KIFAP3: variants seen among roughly 807,000 people sequenced by gnomAD.
KIFAP3 encodes the protein kinesin-associated protein 3.
A neutral mutation model predicts 106.5 loss-of-function variants in KIFAP3; 68 were observed. The ratio of observed to expected loss-of-function variants is 0.64; its 90% CI spans 0.53 to 0.78. The LOEUF (loss-of-function observed/expected upper bound fraction) is 0.78, where lower values mean the gene tolerates loss of function less well. Ranked by LOEUF, KIFAP3 falls within the 30% of genes least tolerant of loss-of-function variation. The pLI is 0.00. For missense variants in KIFAP3, 780 were observed against 941.8 expected (o/e 0.83, Z 2.25); for synonymous variants, 320 against 311.5 (o/e 1.03, Z -0.29).
At chr1:170,002,544 T>C (rs974272880) in intron 10 of KIFAP3, among the ~76,000 whole-genome samples, 5 of 152,124 alleles carry the variant, frequency 3.3e-5, no homozygotes, top group African/African-American at 9.7e-5. Flanking sequence ...CTGGCACAGA[T>C]TTAAAACTCT....
At chr1:169,939,301 G>A (rs1663977482) in intron 19 of KIFAP3, among the ~76,000 whole-genome samples, 1 of 152,150 alleles carries the variant, frequency 6.6e-6, no homozygotes, top group Non-Finnish European at 1.5e-5. Flanking sequence ...ATGGTTTGCA[G>A]TGGAGAGAGA....
intron 10 of KIFAP3, among the ~76,000 whole-genome samples, chr1:170,011,591 T>C (rs6686705): frequency 4.6e-5 from 7 of 151,956 alleles, no homozygotes; most frequent in African/African-American, 1.7e-4. Flanking sequence ...AGGGTTGGGC[T>C]ACACTGTAAA....
At chr1:170,067,889 A>G (rs2102167174) in intron 1 of KIFAP3, 1 of 152,360 alleles carries the variant, frequency 6.6e-6, no homozygotes, top group South Asian at 2.1e-4. Context: ...GCATATAAAG[A>G]GAAATCTAGA....
At chr1:170,028,133 T>C (rs908151050) in intron 8 of KIFAP3, among the ~76,000 whole-genome samples, 6 of 152,150 alleles carry the variant, frequency 3.9e-5, no homozygotes, top group South Asian at 2.1e-4. Flanking sequence ...CTGGTAAATA[T>C]GTCCTACAAG....
In KIFAP3 at chr1:169,979,874, T is replaced by C. The variant is rs1571598385; in HGVS notation, c.1799-1691A>G. 3.9e-5 allele frequency among the ~76,000 whole-genome samples: 6 copies of C among 152,276 alleles called. No homozygotes were observed. In the East Asian group the frequency reaches 1.2e-3, roughly 29 times the overall value. ...GTCCTCCCCCCCACAAAAACCTAAC[T>C]CTACTATCCATCAGTAGTAGAAAGG... On this transcript the variant is annotated intron_variant, in intron 15 of 19. Transcript: ENST00000361580.
chr1:170,040,859 G>A (rs1464896776), intron 3 of KIFAP3, among the ~76,000 whole-genome samples: 2 of 149,010 alleles, frequency 1.3e-5, no homozygotes, highest in African/African-American at 2.5e-5. Flanking sequence ...ATGGAGTCTC[G>A]CTCTGTGCCA....
intron 17 of KIFAP3, among the ~76,000 whole-genome samples, chr1:169,966,921 T>C (rs573498640): frequency 6.6e-6 from 1 of 151,966 alleles, no homozygotes; most frequent in Admixed American, 6.6e-5. Flanking sequence ...TACTTCTCCT[T>C]TTCCTTAGTA....
Position 169,924,961 on chromosome 1 carries a change from G to A in KIFAP3, c.2274-3180C>T, listed in dbSNP as rs183287066. Among the ~76,000 whole-genome samples, 10 of 152,308 alleles carry A rather than the reference G, an allele frequency of 6.6e-5. No homozygotes were observed. The East Asian group carries it at 1.3e-3, about 21-fold the overall frequency. ...CTCACTAGGGGCCCTGAGAAGCAAG[G>A]AAAAGTAAGCTGTGACATGCCACAT... On this transcript the variant is annotated intron_variant, in intron 19 of 19. Transcript: ENST00000361580.
intron 10 of KIFAP3, among the ~76,000 whole-genome samples, chr1:170,009,245 C>T (rs987968603): frequency 6.6e-6 from 1 of 151,952 alleles, no homozygotes; most frequent in Admixed American, 6.6e-5. Context: ...CCAGAACTTA[C>T]ACTATAATTA....
chr1:170,055,260 T>C (rs777420288), intron 2 of KIFAP3, 45 bp downstream of exon 2: 1 of 1,529,218 alleles, frequency 6.5e-7, no homozygotes, highest in South Asian at 1.2e-5. Flanking sequence ...ATAAAGTTTA[T>C]ATAATGTTCA....
intron 16 of KIFAP3, among the ~76,000 whole-genome samples, chr1:169,975,357 A>G (rs1022074535): frequency 6.7e-6 from 1 of 148,240 alleles, no homozygotes; most frequent in African/African-American, 2.5e-5. Context: ...TTCTGTTCAA[A>G]TTATATCAAA....
chr1:169,967,499 C>G (rs1273546376), intron 17 of KIFAP3, among the ~76,000 whole-genome samples: 1 of 151,760 alleles, frequency 6.6e-6, no homozygotes, highest in Non-Finnish European at 1.5e-5. Context: ...TAATATGGTA[C>G]TGCATAATAT....
At chr1:170,073,515 T>C (rs1279795581) in intron 1 of KIFAP3, among the ~76,000 whole-genome samples, 1 of 152,186 alleles carries the variant, frequency 6.6e-6, no homozygotes, top group Non-Finnish European at 1.5e-5. Context: ...CTTACATTCA[T>C]GTTTCATTTT....
upstream of KIFAP3, among the ~76,000 whole-genome samples, chr1:170,078,254 T>C (rs1190164727): frequency 6.6e-6 from 1 of 152,192 alleles, no homozygotes. Flanking sequence ...ATCATTCTAA[T>C]AAGTGTGCAG....
At chr1:170,012,550 TAA>T (rs1668293938) in intron 10 of KIFAP3, among the ~76,000 whole-genome samples, 1 of 152,154 alleles carries the variant, frequency 6.6e-6, no homozygotes, top group South Asian at 2.1e-4. Flanking sequence ...AATTGATTTT[TAA>T]AAGACATTCT....
intron 1 of KIFAP3, among the ~76,000 whole-genome samples, 185 bp downstream of exon 1, chr1:170,074,251 G>A (rs542121259): frequency 1.6e-4 from 25 of 152,218 alleles, no homozygotes; most frequent in African/African-American, 3.4e-4. Flanking sequence ...AAAGGACTTT[G>A]AAACCCCCCC....
At chr1:169,959,265 G>C (rs909508655) in intron 18 of KIFAP3, among the ~76,000 whole-genome samples, 1 of 152,142 alleles carries the variant, frequency 6.6e-6, no homozygotes, top group Non-Finnish European at 1.5e-5. Flanking sequence ...AGATTTCCAT[G>C]AGACACATCA....
At chr1:170,051,229 A>T (rs1041592173) in intron 2 of KIFAP3, among the ~76,000 whole-genome samples, 1 of 152,196 alleles carries the variant, frequency 6.6e-6, no homozygotes, top group Non-Finnish European at 1.5e-5. Flanking sequence ...ACAAAGATCA[A>T]AAAAGACAAA....
At chr1:169,943,771 A>T (rs75452154) in intron 19 of KIFAP3, among the ~76,000 whole-genome samples, 3,246 of 152,260 alleles carry the variant, frequency 0.021, 122 homozygotes, top group African/African-American at 0.071. Context: ...AATGCAATAC[A>T]TGTGAAAAGT....
Sources: gnomAD v4.1 joint callset for allele counts (sites outside exome capture counted in the v4.1 genomes callset) on GRCh38, gnomAD v4.1.1 for gene constraint, MANE v1.5 for transcripts, NCBI Gene and HGNC (gene_info 2026-07-23, HGNC 2026-07-21) for gene names.